The following ZRANB3 variants were observed in gnomAD, a reference collection of about 807,000 sequenced individuals.
The protein encoded by ZRANB3 is DNA annealing helicase and endonuclease ZRANB3.
In ZRANB3, 125 loss-of-function variants were observed where a neutral mutation model predicts 133.8. That is an observed-to-expected ratio of 0.93 (90% confidence interval 0.81 to 1.08). The LOEUF is 1.08. ZRANB3 is among the 50% of genes least tolerant of loss of function. ZRANB3 has a pLI of 0.00. For missense variants in ZRANB3, 1,229 were observed against 1,275.5 expected (o/e 0.96, Z 0.56); for synonymous variants, 387 against 432.7 (o/e 0.89, Z 1.31).
At chr2:135,355,588 CT>C (rs1685398115) in intron 3 of ZRANB3, among the ~76,000 whole-genome samples, 1 of 152,066 alleles carries the variant, frequency 6.6e-6, no homozygotes, top group Admixed American at 6.5e-5. Flanking sequence ...AACTCCCGAC[CT>C]CAGGTGATCC....
intron 12 of ZRANB3, among the ~76,000 whole-genome samples, chr2:135,250,036 G>A (rs1679311591): frequency 6.6e-6 from 1 of 152,178 alleles, no homozygotes; most frequent in East Asian, 1.9e-4. Flanking sequence ...GAACTTCCTA[G>A]ATACTTGTTG....
intron 1 of ZRANB3, chr2:135,530,615 T>A (rs1022809255): frequency 6.6e-6 from 1 of 152,146 alleles, no homozygotes. Context: ...CGGGACAACG[T>A]GAAAGTAGAT....
At chr2:135,271,973 G>T in intron 9 of ZRANB3, 86 bp from the exon 10 acceptor site, 1 of 1,331,678 alleles carries the variant, frequency 7.5e-7, no homozygotes, top group Non-Finnish European at 9.7e-7. Context: ...TATTTTTATG[G>T]TCACATAACA....
intron 6 of ZRANB3, among the ~76,000 whole-genome samples, chr2:135,328,148 G>T (rs1422131469): frequency 6.6e-6 from 1 of 151,802 alleles, no homozygotes; most frequent in Non-Finnish European, 1.5e-5. Flanking sequence ...CATGTGCCAC[G>T]TTGGTTTGCT....
intron 2 of ZRANB3, among the ~76,000 whole-genome samples, chr2:135,492,335 A>C (rs1266785496): frequency 6.6e-6 from 1 of 152,220 alleles, no homozygotes; most frequent in East Asian, 1.9e-4. Flanking sequence ...GTTGAAAATA[A>C]AAAGATGGTT....
intron 6 of ZRANB3, among the ~76,000 whole-genome samples, chr2:135,327,406 A>G (rs1331784412): frequency 1.6e-4 from 24 of 152,208 alleles, no homozygotes. Context: ...TCAGTGAAAA[A>G]GCAGCAATAG....
intron 2 of ZRANB3, among the ~76,000 whole-genome samples, chr2:135,446,785 GA>G (rs1430975987): frequency 6.6e-6 from 1 of 152,206 alleles, no homozygotes; most frequent in African/African-American, 2.4e-5. Flanking sequence ...AGGATCAATA[GA>G]TTGTAGGTCC....
chr2:135,349,845 A>G (rs1685117180), intron 5 of ZRANB3, 139 bp downstream of exon 5: 4 of 639,296 alleles, frequency 6.3e-6, no homozygotes, highest in Non-Finnish European at 5.4e-6. Context: ...CATACGTACT[A>G]TCTAGAAATT....
intron 2 of ZRANB3, among the ~76,000 whole-genome samples, chr2:135,462,634 C>T (rs1211252408): frequency 6.6e-6 from 1 of 150,648 alleles, no homozygotes; most frequent in Non-Finnish European, 1.5e-5. Context: ...CCTCTTTTGC[C>T]CAGGCTGGAG....
chr2:135,461,822 T>G (rs1690779566), intron 2 of ZRANB3, among the ~76,000 whole-genome samples: 1 of 152,208 alleles, frequency 6.6e-6, no homozygotes, highest in Non-Finnish European at 1.5e-5. Flanking sequence ...TGAATCTAGT[T>G]TCTTCACTAG....
intron 8 of ZRANB3, among the ~76,000 whole-genome samples, chr2:135,282,725 C>T (rs1462022158): frequency 6.6e-6 from 1 of 152,120 alleles, no homozygotes; most frequent in African/African-American, 2.4e-5. Flanking sequence ...AAGGCAATTC[C>T]AATTTAATAT....
At chr2:135,480,666 A>G (rs1691745670) in intron 2 of ZRANB3, among the ~76,000 whole-genome samples, 2 of 151,496 alleles carry the variant, frequency 1.3e-5, no homozygotes, top group Admixed American at 6.6e-5. Context: ...CACATTGTGC[A>G]GGTTAGTTAC....
chr2:135,426,856 AAAAAAAAATATATATATATATATATAT>A (rs1689102976), intron 2 of ZRANB3, among the ~76,000 whole-genome samples: 1 of 56,446 alleles, frequency 1.8e-5, no homozygotes, highest in African/African-American at 1.1e-4. Context: ...AAAAAAAAAA[AAAAAAAAATATATATATATATATATAT>A]ATATATATAT....
chr2:135,440,649 G>C (rs1689740584), intron 2 of ZRANB3, among the ~76,000 whole-genome samples: 1 of 152,174 alleles, frequency 6.6e-6, no homozygotes, highest in Non-Finnish European at 1.5e-5. Flanking sequence ...TGAACAAAAA[G>C]AAGGAGCTTG....
intron 8 of ZRANB3, among the ~76,000 whole-genome samples, chr2:135,293,909 C>T (rs1400597744): frequency 6.6e-5 from 10 of 150,724 alleles, no homozygotes; most frequent in South Asian, 2.1e-4. Flanking sequence ...TATTGATTTT[C>T]GTATGTTGAA....
chr2:135,428,517 A>G lies in ZRANB3; in HGVS notation c.162-37697T>C, dbSNP rs544854487. On this transcript the variant is annotated intron_variant, in intron 2 of 20. Coordinates refer to ENST00000264159, the MANE Select transcript of ZRANB3 (RefSeq NM_032143.4). ...ATTAACAAATGGGACCTAATTAACT[A>G]AGGAGATTCTGTACAGCAAAAGAAA... 2.0e-5 allele frequency among the ~76,000 whole-genome samples: 3 copies of G among 152,292 alleles called. No individual in the cohort carries two copies. In the East Asian group the frequency reaches 5.8e-4, roughly 29 times the overall value.
intron 2 of ZRANB3, among the ~76,000 whole-genome samples, chr2:135,475,125 G>A (rs1691448699): frequency 6.6e-6 from 1 of 152,184 alleles, no homozygotes. Context: ...CTAACAATGG[G>A]ATCAACCATT....
rs990236125 is a variant in ZRANB3, at chr2:135,208,786, G to A, written c.2606+82C>T. The A allele has an allele frequency of 7.2e-5, 90 of 1,242,330 alleles. No individual in the cohort carries two copies. In the African/African-American group the frequency reaches 1.3e-3, roughly 18 times the overall value. The allele number at this position is 1,242,330 out of a possible 1,614,324, so 77.0% of individuals were successfully genotyped here. A position where few individuals can be genotyped will look rare whatever the true frequency, so the allele number is the denominator to read the frequency against. ...ACCTCTAAAGTGGTCATGCAAAGGT[G>A]AGATATTATTATGAAAATCAATACA... is the stretch of plus-strand genomic sequence containing the variant. On this transcript the variant is annotated intron_variant, in intron 18 of 20. Coordinates refer to ENST00000264159, the MANE Select transcript of ZRANB3 (RefSeq NM_032143.4).
intron 3 of ZRANB3, among the ~76,000 whole-genome samples, chr2:135,359,608 AAAAAG>A (rs1218228379): frequency 2.0e-4 from 30 of 151,898 alleles, no homozygotes; most frequent in African/African-American, 5.5e-4. Flanking sequence ...AAAGAAAAGA[AAAAAG>A]AAAAGAAAAG....
Sources: gnomAD v4.1 joint callset for allele counts (sites outside exome capture counted in the v4.1 genomes callset) on GRCh38, gnomAD v4.1.1 for gene constraint, MANE v1.5 for transcripts, NCBI Gene and HGNC (gene_info 2026-07-23, HGNC 2026-07-21) for gene names.